TENM3: variants seen among roughly 807,000 people sequenced by gnomAD.
TENM3 encodes teneurin transmembrane protein 3, also known as teneurin-3.
TENM3 carries 63 observed loss-of-function variants against 255.1 expected under a neutral mutation model. The observed-to-expected ratio is 0.25, with a 90% CI of 0.20 to 0.30. The LOEUF (loss-of-function observed/expected upper bound fraction) is 0.30, where lower values mean the gene tolerates loss of function less well. Ranked by LOEUF, TENM3 falls within the 10% of genes least tolerant of loss-of-function variation. The probability of loss-of-function intolerance (pLI) is 1.00; values close to 1 mark genes in which losing one functional copy is unlikely to be tolerated. For synonymous variants in TENM3, 1,306 were observed against 1,322.3 expected (o/e 0.99, Z 0.27); for missense variants, 2,929 against 3,461.1 (o/e 0.85, Z 3.86).
chr4:182,222,615 T>C (rs1340900937), intron 1 of TENM3, among the ~76,000 whole-genome samples: 1 of 152,260 alleles, frequency 6.6e-6, no homozygotes, highest in Admixed American at 6.5e-5. Context: ...TTCTTTCCTC[T>C]GAAGAGAAAA....
At chr4:182,783,564 G>T (rs1376430429) in intron 24 of TENM3, among the ~76,000 whole-genome samples, 1 of 150,112 alleles carries the variant, frequency 6.7e-6, no homozygotes, top group African/African-American at 2.4e-5. Flanking sequence ...GAGTATCTTT[G>T]TGGCGTTCTC....
At chr4:181,936,124 G>A in the TENM3 span, among the ~76,000 whole-genome samples, 3 of 152,150 alleles carry the variant, frequency 2.0e-5, no homozygotes, top group Non-Finnish European at 4.4e-5. Flanking sequence ...GGATGCAGTG[G>A]CTCACACCTG....
chr4:182,736,146 T>C lies in TENM3; in HGVS notation c.2968-662T>C, dbSNP rs115358002. ...GGAGCTCAATCTTTAATTATGACAA[T>C]GTGCTATTATTACATTACCTCTCAA... On this transcript the variant is annotated intron_variant, in intron 16 of 27. Coordinates refer to ENST00000511685, the MANE Select transcript of TENM3 (RefSeq NM_001080477.4). Among the ~76,000 whole-genome samples, 1,443 of 152,342 alleles carry C rather than the reference T, an allele frequency of 9.5e-3. 16 individuals are homozygous for C. The highest frequency in any genetic ancestry group is 0.025 in the South Asian group (121 of 4,826).
At chr4:181,696,255 A>G in the TENM3 span, among the ~76,000 whole-genome samples, 4 of 152,170 alleles carry the variant, frequency 2.6e-5, no homozygotes, top group African/African-American at 9.7e-5. Flanking sequence ...GTATGTTGCC[A>G]TTAGACTTAC....
At chr4:182,447,427 T>A (rs936432947) in intron 3 of TENM3, among the ~76,000 whole-genome samples, 3 of 152,174 alleles carry the variant, frequency 2.0e-5, no homozygotes, top group African/African-American at 7.2e-5. Flanking sequence ...CTTGTAGCAT[T>A]GGGTATAAAA....
At chr4:182,591,207 A>G (rs563787984) in intron 3 of TENM3, among the ~76,000 whole-genome samples, 2 of 152,166 alleles carry the variant, frequency 1.3e-5, no homozygotes, top group African/African-American at 2.4e-5. Flanking sequence ...AGGTTGCCGC[A>G]TTGTCTGAAA....
At chr4:182,502,718 C>T (rs2151660864) in intron 3 of TENM3, among the ~76,000 whole-genome samples, 1 of 152,032 alleles carries the variant, frequency 6.6e-6, no homozygotes, top group Admixed American at 6.5e-5. Flanking sequence ...TTAAGTTTTT[C>T]TGTTCCCTGC....
the TENM3 span, among the ~76,000 whole-genome samples, chr4:181,831,968 T>TTGTGTGTGTGTG: frequency 0.019 from 2,463 of 132,648 alleles, 42 homozygotes; most frequent in South Asian, 0.031. Context: ...ATATATTACA[T>TTGTGTGTGTGTG]TGTGTGTGTG....
chr4:181,802,117 C>A, the TENM3 span, among the ~76,000 whole-genome samples: 4 of 152,156 alleles, frequency 2.6e-5, no homozygotes, highest in African/African-American at 7.2e-5. Flanking sequence ...GGCACAAATA[C>A]TTTTCATTGA....
chr4:181,560,467 G>A, the TENM3 span, among the ~76,000 whole-genome samples: 26 of 152,176 alleles, frequency 1.7e-4, no homozygotes, highest in Admixed American at 8.5e-4. Context: ...GGAAAAATTC[G>A]AACACTAGAG....
chr4:182,671,312 G>A (rs1579068363), intron 6 of TENM3, among the ~76,000 whole-genome samples: 1 of 152,234 alleles, frequency 6.6e-6, no homozygotes, highest in East Asian at 1.9e-4. Context: ...ACTCCAAAAC[G>A]GGTTTTCTTT....
At chr4:181,545,212 G>A in the TENM3 span, among the ~76,000 whole-genome samples, 172 of 152,296 alleles carry the variant, frequency 1.1e-3, no homozygotes, top group Middle Eastern at 6.8e-3. Flanking sequence ...GTTCCTTGTT[G>A]TGTGTTCTGT....
intron 3 of TENM3, among the ~76,000 whole-genome samples, chr4:182,519,166 C>CA (rs143174812): frequency 0.047 from 6,943 of 146,638 alleles, 242 homozygotes; most frequent in East Asian, 0.11. Context: ...GCTTTAGTGC[C>CA]AAAAAAAAAA....
intron 3 of TENM3, among the ~76,000 whole-genome samples, chr4:182,458,624 A>G (rs1219336872): frequency 6.6e-6 from 1 of 152,228 alleles, no homozygotes; most frequent in Non-Finnish European, 1.5e-5. Flanking sequence ...TCTTAAAAAA[A>G]AATCAAACTA....
At chr4:181,756,632 C>T in the TENM3 span, among the ~76,000 whole-genome samples, 29 of 152,318 alleles carry the variant, frequency 1.9e-4, no homozygotes, top group Non-Finnish European at 3.4e-4. Context: ...GCAGAACAAA[C>T]TCCGATGGCA....
the TENM3 span, among the ~76,000 whole-genome samples, chr4:181,898,224 A>T: frequency 6.6e-6 from 1 of 152,198 alleles, no homozygotes; most frequent in Non-Finnish European, 1.5e-5. Flanking sequence ...ATAATCTTTG[A>T]AAAAAACAGT....
At position 182,738,271 on chromosome 4, in the gene TENM3, C is replaced by T. The variant is rs554512451; in HGVS notation, c.3236-130C>T. On this transcript the variant is annotated intron_variant, in intron 17 of 27. Coordinates refer to ENST00000511685, the MANE Select transcript of TENM3 (RefSeq NM_001080477.4). ...AAATCTTCTTAAATTAAAAAATAAA[C>T]TGCTCATAAATAAGTGGAAATACAG... 1,406 of 694,026 alleles carry T rather than the reference C, an allele frequency of 2.0e-3. 6 individuals are homozygous for T. The highest frequency in any genetic ancestry group is 2.8e-3 in the Non-Finnish European group (1,255 of 449,678). 43.0% of individuals were successfully genotyped at this position (694,026 alleles called of 1,614,324 possible).
chr4:181,451,847 T>C, the TENM3 span, among the ~76,000 whole-genome samples: 2 of 152,182 alleles, frequency 1.3e-5, no homozygotes, highest in African/African-American at 4.8e-5. Flanking sequence ...TTATAGACAT[T>C]GACTTTTAGA....
At chr4:182,203,349 AG>A in intron 1 of TENM3, among the ~76,000 whole-genome samples, 1 of 152,172 alleles carries the variant, frequency 6.6e-6, no homozygotes, top group Admixed American at 6.5e-5. Context: ...GCGTGGTAAA[AG>A]TTTAGGGCAT....
Sources: allele counts gnomAD v4.1 joint callset (sites outside exome capture counted in the v4.1 genomes callset), GRCh38; gene constraint gnomAD v4.1.1; transcripts MANE v1.5; gene names NCBI Gene and HGNC (gene_info 2026-07-23, HGNC 2026-07-21).